CFAP299: variants seen among roughly 807,000 people sequenced by gnomAD.
CFAP299 encodes cilia and flagella associated protein 299.
CFAP299 carries 21 observed loss-of-function variants against 27.0 expected under a neutral mutation model. That is an observed-to-expected ratio of 0.78 (90% CI 0.55 to 1.12). CFAP299 has a LOEUF of 1.12. Ranked by LOEUF, CFAP299 falls within the 50% of genes most tolerant of loss-of-function variation. The probability of loss-of-function intolerance (pLI) is 0.00; values close to 1 mark genes in which losing one functional copy is unlikely to be tolerated. For synonymous variants in CFAP299, 104 were observed against 98.1 expected (o/e 1.06, Z -0.36); for missense variants, 310 against 276.6 (o/e 1.12, Z -0.86).
intron 3 of CFAP299, among the ~76,000 whole-genome samples, chr4:80,675,329 T>A (rs1719365604): frequency 6.6e-6 from 1 of 152,230 alleles, no homozygotes; most frequent in Admixed American, 6.5e-5. Context: ...CTCCAGACCC[T>A]GTTTACCTGG....
At chr4:80,838,206 G>A (rs553864653) in intron 3 of CFAP299, among the ~76,000 whole-genome samples, 14 of 152,138 alleles carry the variant, frequency 9.2e-5, no homozygotes, top group Non-Finnish European at 1.9e-4. Context: ...CTCCCATTCT[G>A]TAGGTTGCCT....
At chr4:80,668,792 C>G (rs1741280428) in intron 3 of CFAP299, among the ~76,000 whole-genome samples, 2 of 152,200 alleles carry the variant, frequency 1.3e-5, no homozygotes, top group South Asian at 2.1e-4. Context: ...CTTACTTTGA[C>G]TACTCGAAGT....
intron 2 of CFAP299, among the ~76,000 whole-genome samples, chr4:80,463,200 C>T (rs1729536412): frequency 6.6e-6 from 1 of 151,716 alleles, no homozygotes; most frequent in South Asian, 2.1e-4. Context: ...CTTATTAAAA[C>T]TTTTATAAAA....
At chr4:80,701,316 A>G (rs1038944385) in intron 3 of CFAP299, among the ~76,000 whole-genome samples, 1 of 152,042 alleles carries the variant, frequency 6.6e-6, no homozygotes, top group Admixed American at 6.6e-5. Context: ...AATAAAAATG[A>G]CATTATTGGT....
intron 2 of CFAP299, among the ~76,000 whole-genome samples, chr4:80,543,859 G>A (rs775264512): frequency 2.2e-4 from 34 of 152,224 alleles, no homozygotes; most frequent in Non-Finnish European, 3.8e-4. Flanking sequence ...GAGATACTAT[G>A]CAAAACAACC....
chr4:80,584,962 T>G (rs1324729689), intron 3 of CFAP299, among the ~76,000 whole-genome samples: 1 of 152,016 alleles, frequency 6.6e-6, no homozygotes, highest in Non-Finnish European at 1.5e-5. Flanking sequence ...TGACAGGTGC[T>G]ATGGAGGAAA....
chr4:80,747,563 A>T (rs190019081), intron 3 of CFAP299, among the ~76,000 whole-genome samples: 1 of 152,160 alleles, frequency 6.6e-6, no homozygotes, highest in East Asian at 1.9e-4. Flanking sequence ...ATGAGAATAA[A>T]GGTCCTGGTT....
chr4:80,751,189 G>C (rs570673109), intron 3 of CFAP299, among the ~76,000 whole-genome samples: 1 of 152,158 alleles, frequency 6.6e-6, no homozygotes, highest in African/African-American at 2.4e-5. Context: ...TTTGAATGAG[G>C]TTTTCCTGGG....
intron 5 of CFAP299, among the ~76,000 whole-genome samples, chr4:80,955,439 A>G (rs1244499148): frequency 6.6e-6 from 1 of 152,218 alleles, no homozygotes; most frequent in Non-Finnish European, 1.5e-5. Flanking sequence ...GCCACAGAGT[A>G]GGTGCTCAAT....
At chr4:80,674,660 G>T (rs543445713) in intron 3 of CFAP299, among the ~76,000 whole-genome samples, 7 of 152,038 alleles carry the variant, frequency 4.6e-5, no homozygotes, top group Non-Finnish European at 8.8e-5. Context: ...CACGTACACT[G>T]ATCAAACGAA....
At chr4:80,349,966 T>C (rs1490875199) in intron 1 of CFAP299, among the ~76,000 whole-genome samples, 2 of 151,916 alleles carry the variant, frequency 1.3e-5, no homozygotes, top group East Asian at 3.9e-4. Flanking sequence ...ACAATGAACA[T>C]ACAAGAAAAA....
chr4:80,957,495 G>A lies in CFAP299; in HGVS notation c.607-6022G>A, dbSNP rs527315804. Among the ~76,000 whole-genome samples, 10 of 151,924 alleles carry A rather than the reference G, an allele frequency of 6.6e-5. No homozygotes were observed. The South Asian group carries it at 2.1e-3, about 32-fold the overall frequency. On this transcript the variant is annotated intron_variant, in intron 5 of 5. Transcript: ENST00000358105. Reference sequence around the variant, plus strand: ...GATTTTTAACTCATTAATTAATGAGGGACCAGTAAGGTATTACAACTGATT... The same window carrying A: ...GATTTTTAACTCATTAATTAATGAGAGACCAGTAAGGTATTACAACTGATT...
rs555041615 is a variant in CFAP299, at chr4:80,700,856, A to G, written c.333+117673A>G. On this transcript the variant is annotated intron_variant, in intron 3 of 5. Coordinates refer to ENST00000358105, the MANE Select transcript of CFAP299 (RefSeq NM_152770.3). ...TACAAAGCCAGAAGAGGGGTAGGAGAGGCATAAACAAAAATCACAATGAAA... is the reference window on the plus strand; with the variant it reads ...TACAAAGCCAGAAGAGGGGTAGGAGGGGCATAAACAAAAATCACAATGAAA... Among the ~76,000 whole-genome samples, 16 of 152,148 alleles carry G rather than the reference A, an allele frequency of 1.1e-4. No individual in the cohort carries two copies. The Middle Eastern group carries it at 0.01, about 97-fold the overall frequency.
chr4:80,579,279 C>A (rs1736046863), intron 2 of CFAP299, among the ~76,000 whole-genome samples: 1 of 152,154 alleles, frequency 6.6e-6, no homozygotes, highest in East Asian at 1.9e-4. Context: ...ACTTTAAATA[C>A]ACGCCTTAGA....
chr4:80,792,165 T>C (rs1727609560), intron 3 of CFAP299, among the ~76,000 whole-genome samples: 1 of 152,056 alleles, frequency 6.6e-6, no homozygotes, highest in African/African-American at 2.4e-5. Flanking sequence ...TAAAATAAAA[T>C]GTAATTAAAA....
intron 4 of CFAP299, among the ~76,000 whole-genome samples, chr4:80,899,884 A>G (rs115429438): frequency 1.5e-3 from 225 of 152,336 alleles, no homozygotes; most frequent in African/African-American, 5.2e-3. Context: ...GAGCTCATAA[A>G]TGCAAATTCA....
chr4:80,691,064 C>T (rs1351614722), intron 3 of CFAP299, among the ~76,000 whole-genome samples: 3 of 118,006 alleles, frequency 2.5e-5, no homozygotes, highest in Non-Finnish European at 5.3e-5. Context: ...GCTTACCAAC[C>T]AAAAAGAGTC....
the CFAP299 span, among the ~76,000 whole-genome samples, chr4:80,321,678 T>C: frequency 6.6e-6 from 1 of 152,052 alleles, no homozygotes; most frequent in Non-Finnish European, 1.5e-5. Flanking sequence ...ACCAGGAAAT[T>C]TGCGTTTTCA....
chr4:80,910,791 C>T (rs1181953264), intron 4 of CFAP299, among the ~76,000 whole-genome samples: 3 of 151,852 alleles, frequency 2.0e-5, no homozygotes, highest in Non-Finnish European at 4.4e-5. Flanking sequence ...GCACATGTAC[C>T]CTGAACTTAA....
Sources: gnomAD v4.1 joint callset for allele counts (sites outside exome capture counted in the v4.1 genomes callset) on GRCh38, gnomAD v4.1.1 for gene constraint, MANE v1.5 for transcripts, NCBI Gene and HGNC (gene_info 2026-07-23, HGNC 2026-07-21) for gene names.